The following HS1BP3 variants were observed in gnomAD, a reference collection of about 807,000 sequenced individuals.
The protein encoded by HS1BP3 is HCLS1 binding protein 3, also known as HCLS1-binding protein 3.
HS1BP3 carries 32 observed loss-of-function variants against 33.5 expected under a neutral mutation model. The ratio of observed to expected loss-of-function variants is 0.95; its 90% CI spans 0.72 to 1.28. The LOEUF is 1.28. Ranked by LOEUF, HS1BP3 falls within the 50% of genes most tolerant of loss-of-function variation. The pLI, the probability that HS1BP3 is intolerant of heterozygous loss-of-function variation, is 0.00. For synonymous variants in HS1BP3, 187 were observed against 209.2 expected (o/e 0.89, Z 0.92); for missense variants, 486 against 502.3 (o/e 0.97, Z 0.31).
intron 4 of HS1BP3, among the ~76,000 whole-genome samples, chr2:20,629,258 G>A (rs1014149419): frequency 1.3e-5 from 2 of 152,088 alleles, no homozygotes; most frequent in African/African-American, 2.4e-5. Flanking sequence ...GGGTCAGGTC[G>A]CACACATGGG....
chr2:20,572,190 G>A (rs1693291405), intron 5 of HS1BP3, among the ~76,000 whole-genome samples: 1 of 152,230 alleles, frequency 6.6e-6, no homozygotes, highest in South Asian at 2.1e-4. Flanking sequence ...CAGGGCTCAG[G>A]CCTGGCTCTG....
intron 1 of HS1BP3, among the ~76,000 whole-genome samples, chr2:20,648,923 A>T (rs1461151386): frequency 1.3e-5 from 2 of 152,056 alleles, no homozygotes; most frequent in Non-Finnish European, 2.9e-5. Context: ...TTGTTCTCAC[A>T]CCCCATATCC....
intron 5 of HS1BP3, among the ~76,000 whole-genome samples, chr2:20,582,052 C>G (rs868220928): frequency 7.2e-5 from 11 of 152,222 alleles, no homozygotes; most frequent in Non-Finnish European, 2.9e-5. Context: ...TGAAAGTCAA[C>G]TGATTTGGGG....
At position 20,618,526 on chromosome 2, in the gene HS1BP3, A is replaced by C. The variant is rs3821217; in HGVS notation, c.*461T>G. On this transcript the variant is annotated 3_prime_UTR_variant, in exon 7 of 7. Coordinates refer to ENST00000304031, the MANE Select transcript of HS1BP3 (RefSeq NM_022460.4). ...GCTTAGGGTAGGGGAAGGGGAGGAT[A>C]CCGGTCACTCCTTCTTACTATGCGA... 0.78 allele frequency: 137,533 copies of C among 176,382 alleles called. 53,964 individuals are homozygous for C. The highest frequency in any genetic ancestry group is 0.92 in the East Asian group (4,842 of 5,286). 10.9% of individuals were successfully genotyped at this position (176,382 alleles called of 1,614,324 possible). A position where few individuals can be genotyped will look rare whatever the true frequency, so the allele number is the denominator to read the frequency against.
intron 2 of HS1BP3, among the ~76,000 whole-genome samples, chr2:20,600,028 G>A (rs984274467): frequency 1.5e-4 from 23 of 152,148 alleles, no homozygotes; most frequent in South Asian, 2.1e-4. Context: ...GACCCCTGGG[G>A]GCTCTTTGGC....
intron 5 of HS1BP3, among the ~76,000 whole-genome samples, chr2:20,580,902 C>T (rs1027110372): frequency 6.6e-6 from 1 of 152,208 alleles, no homozygotes; most frequent in African/African-American, 2.4e-5. Context: ...GAACAAGAGT[C>T]CCATGCCTGC....
At chr2:20,622,780 TAAC>T (rs1379219584) in intron 6 of HS1BP3, 1 of 168,004 alleles carries the variant, frequency 6.0e-6, no homozygotes, top group Non-Finnish European at 1.3e-5. Context: ...TCTAATAAAA[TAAC>T]AATCCTGGTT....
intron 2 of HS1BP3, among the ~76,000 whole-genome samples, chr2:20,641,823 C>T (rs961363804): frequency 2.0e-5 from 3 of 152,300 alleles, no homozygotes; most frequent in East Asian, 1.9e-4. Context: ...GGCTGACTCC[C>T]GCTGCCTCCT....
intron 6 of HS1BP3, among the ~76,000 whole-genome samples, chr2:20,620,263 T>A (rs1694555159): frequency 6.6e-6 from 1 of 152,204 alleles, no homozygotes; most frequent in African/African-American, 2.4e-5. Flanking sequence ...CAGCTGAGAA[T>A]ACTGAGGTGC....
chr2:20,639,348 A>C (rs577481742), intron 3 of HS1BP3, among the ~76,000 whole-genome samples: 1 of 152,382 alleles, frequency 6.6e-6, no homozygotes, highest in South Asian at 2.1e-4. Context: ...TGCCATCATC[A>C]CAATACCCAA....
At chr2:20,621,968 A>G (rs1694614212) in intron 6 of HS1BP3, among the ~76,000 whole-genome samples, 2 of 152,126 alleles carry the variant, frequency 1.3e-5, no homozygotes, top group African/African-American at 4.8e-5. Flanking sequence ...GGGGTAAGGG[A>G]GCTCTAAGAC....
At chr2:20,627,477 A>G (rs949625886) in intron 4 of HS1BP3, among the ~76,000 whole-genome samples, 1 of 152,230 alleles carries the variant, frequency 6.6e-6, no homozygotes, top group Non-Finnish European at 1.5e-5. Context: ...GTCTCTCTGG[A>G]GAAGCCGTGG....
At chr2:20,622,488 AGTGCCATGTGGTGCTGGCCCGCGCACTAC>A (rs1694637604) in intron 6 of HS1BP3, 2 of 403,600 alleles carry the variant, frequency 5.0e-6, no homozygotes, top group Non-Finnish European at 9.6e-6. Flanking sequence ...GAGAACGTGA[AGTGCCATGTGGTGCTGGCCCGCGCACTAC>A]GAGCCCTGCT....
rs1276386353 is a variant in HS1BP3 at position 20,606,673 on chromosome 2, G to A, written c.179-8408C>T. On this transcript the variant is annotated intron_variant, in intron 2 of 3. Transcript: ENST00000415264. ...GTGGCATTGCAAAGCTCAGAGAGCAGCGGTGAACGCTACAGCCTCGCTAAG... is the reference window on the plus strand; with the variant it reads ...GTGGCATTGCAAAGCTCAGAGAGCAACGGTGAACGCTACAGCCTCGCTAAG... 7.7e-6 allele frequency: 3 copies of A among 388,482 alleles called. No homozygotes were observed. In the East Asian group the frequency reaches 2.0e-4, roughly 25 times the overall value. The allele number at this position is 388,482 out of a possible 1,614,324, so 24.1% of individuals were successfully genotyped here.
At chr2:20,593,498 G>A (rs78058386) in intron 3 of HS1BP3, among the ~76,000 whole-genome samples, 4,442 of 152,204 alleles carry the variant, frequency 0.029, 71 homozygotes, top group African/African-American at 0.04. Flanking sequence ...CTGAGCTGCC[G>A]GAAGCCTTTG....
chr2:20,596,228 A>G (rs1693939565), intron 3 of HS1BP3, among the ~76,000 whole-genome samples: 1 of 152,122 alleles, frequency 6.6e-6, no homozygotes, highest in Non-Finnish European at 1.5e-5. Flanking sequence ...GTATTTTGAT[A>G]CTAGCTGCTT....
downstream of HS1BP3, among the ~76,000 whole-genome samples, chr2:20,559,937 G>A (rs1692949083): frequency 1.3e-5 from 2 of 152,202 alleles, no homozygotes; most frequent in South Asian, 4.1e-4. Context: ...CAGTTCAGAG[G>A]TTGTTCTAGG....
intron 1 of HS1BP3, 84 bp from the exon 2 acceptor site, chr2:20,645,589 C>T (rs1220180987): frequency 3.6e-6 from 5 of 1,380,804 alleles, no homozygotes; most frequent in Non-Finnish European, 4.9e-6. Flanking sequence ...CCTCTGGGTG[C>T]CTGGCAGGCC....
intron 6 of HS1BP3, chr2:20,623,492 A>G (rs12470344): frequency 0.78 from 121,311 of 155,386 alleles, 47,715 homozygotes; most frequent in East Asian, 0.91. Context: ...GCCATCACCA[A>G]GACATCTGCA....
Sources: allele counts gnomAD v4.1 joint callset (sites outside exome capture counted in the v4.1 genomes callset), GRCh38; gene constraint gnomAD v4.1.1; transcripts MANE v1.5; gene names NCBI Gene and HGNC (gene_info 2026-07-23, HGNC 2026-07-21).